CSMD1: variants seen among roughly 807,000 people sequenced by gnomAD.
The protein encoded by CSMD1 is CUB and sushi domain-containing protein 1.
A neutral mutation model predicts 417.5 loss-of-function variants in CSMD1; 213 were observed. That is an observed-to-expected ratio of 0.51 (90% CI 0.46 to 0.57). CSMD1 has a LOEUF of 0.57. Among genes scored for constraint, CSMD1 ranks in the 20% least tolerant of loss-of-function variants. The pLI, the probability that CSMD1 is intolerant of heterozygous loss-of-function variation, is 0.00. For missense variants in CSMD1, 6,923 were observed against 4,529.7 expected (o/e 1.53, Z -15.17); for synonymous variants, 2,862 against 1,736.8 (o/e 1.65, Z -16.11).
chr8:4,979,642 T>C (rs1810765506), intron 1 of CSMD1, among the ~76,000 whole-genome samples: 2 of 152,242 alleles, frequency 1.3e-5, no homozygotes, highest in African/African-American at 4.8e-5. Flanking sequence ...ATTGGAGCAG[T>C]CCTCACAAAA....
chr8:4,575,595 T>G (rs1266842379), intron 2 of CSMD1, among the ~76,000 whole-genome samples: 2 of 152,162 alleles, frequency 1.3e-5, no homozygotes, highest in African/African-American at 4.8e-5. Flanking sequence ...GTGAATTCAT[T>G]ATGATATGGT....
chr8:4,991,660 C>G (rs1000447093), intron 1 of CSMD1, among the ~76,000 whole-genome samples: 1 of 152,138 alleles, frequency 6.6e-6, no homozygotes, highest in Non-Finnish European at 1.5e-5. Flanking sequence ...CTGGAGCGCG[C>G]TGCCGAGCCC....
chr8:3,237,033 C>A (rs571613838), intron 26 of CSMD1, among the ~76,000 whole-genome samples: 6 of 152,014 alleles, frequency 3.9e-5, no homozygotes, highest in Non-Finnish European at 7.4e-5. Flanking sequence ...AAAGAACCTG[C>A]GCTGCCCTTC....
chr8:4,059,639 C>T (rs558052319), intron 3 of CSMD1, among the ~76,000 whole-genome samples: 33 of 152,250 alleles, frequency 2.2e-4, no homozygotes, highest in African/African-American at 7.9e-4. Flanking sequence ...GAAATACAAA[C>T]TGCCATCAGA....
chr8:3,965,745 G>C (rs897769279), intron 5 of CSMD1, among the ~76,000 whole-genome samples: 1 of 152,030 alleles, frequency 6.6e-6, no homozygotes, highest in Non-Finnish European at 1.5e-5. Flanking sequence ...AGCCTCCCGA[G>C]TAGCTGGGAC....
At chr8:3,354,889 G>GATATA (rs1563303932) in intron 21 of CSMD1, among the ~76,000 whole-genome samples, 5 of 140,928 alleles carry the variant, frequency 3.5e-5, no homozygotes, top group Non-Finnish European at 7.6e-5. Context: ...CTATAGATAT[G>GATATA]TCTATCTATA....
chr8:3,114,008 A>G (rs763610532), intron 42 of CSMD1, among the ~76,000 whole-genome samples: 20 of 152,256 alleles, frequency 1.3e-4, no homozygotes, highest in Admixed American at 2.0e-4. Flanking sequence ...ATTTGACCCC[A>G]GGAGTTCGAG....
intron 1 of CSMD1, among the ~76,000 whole-genome samples, chr8:4,710,316 G>T (rs946403435): frequency 1.3e-5 from 2 of 149,424 alleles, no homozygotes; most frequent in Non-Finnish European, 3.0e-5. Flanking sequence ...ACATTTAAAC[G>T]CATATAAACA....
chr8:4,282,153 C>G (rs115822228), intron 3 of CSMD1, among the ~76,000 whole-genome samples: 1 of 152,140 alleles, frequency 6.6e-6, no homozygotes, highest in African/African-American at 2.4e-5. Flanking sequence ...TGCTCAAATA[C>G]GATTTCAAAA....
chr8:3,573,730 AAATG>A (rs1288345212), intron 10 of CSMD1, among the ~76,000 whole-genome samples: 1 of 152,186 alleles, frequency 6.6e-6, no homozygotes, highest in Non-Finnish European at 1.5e-5. Flanking sequence ...CAAAATGTAA[AAATG>A]AAGAGATGAT....
chr8:3,716,178 G>T (rs565392741), intron 6 of CSMD1, among the ~76,000 whole-genome samples: 1 of 152,256 alleles, frequency 6.6e-6, no homozygotes, highest in South Asian at 2.1e-4. Context: ...CACAGGGATG[G>T]GTGTTGCCTA....
chr8:4,384,793 C>A (rs1430703388), intron 3 of CSMD1, among the ~76,000 whole-genome samples: 1 of 152,208 alleles, frequency 6.6e-6, no homozygotes, highest in African/African-American at 2.4e-5. Flanking sequence ...CTTCACTAAT[C>A]AGTCCTACAG....
At chr8:4,027,219 A>C (rs1312485249) in intron 4 of CSMD1, among the ~76,000 whole-genome samples, 3 of 152,194 alleles carry the variant, frequency 2.0e-5, no homozygotes, top group African/African-American at 7.2e-5. Context: ...TTTGTACTTT[A>C]TTCTCATTGA....
At chr8:3,706,432 T>G (rs1374566618) in intron 7 of CSMD1, among the ~76,000 whole-genome samples, 1 of 152,192 alleles carries the variant, frequency 6.6e-6, no homozygotes, top group Non-Finnish European at 1.5e-5. Context: ...ACCTTCCTCA[T>G]CTTAGAAGGC....
chr8:3,593,102 G>T (rs1288207398), intron 8 of CSMD1, among the ~76,000 whole-genome samples: 1 of 152,208 alleles, frequency 6.6e-6, no homozygotes, highest in Non-Finnish European at 1.5e-5. Flanking sequence ...GCTTAAAGCG[G>T]TCTGGCTACC....
intron 1 of CSMD1, among the ~76,000 whole-genome samples, chr8:4,921,074 GA>G (rs1426981768): frequency 7.1e-6 from 1 of 141,688 alleles, no homozygotes; most frequent in African/African-American, 2.6e-5. Context: ...GAAAGAGAAA[GA>G]AAAAGAAAGA....
chr8:3,377,852 G>A (rs1054973353), intron 18 of CSMD1, among the ~76,000 whole-genome samples: 1 of 152,144 alleles, frequency 6.6e-6, no homozygotes, highest in Non-Finnish European at 1.5e-5. Context: ...TATGTAAAAT[G>A]TATTAGTCTA....
At chr8:4,013,545 G>C (rs1369714732) in intron 4 of CSMD1, among the ~76,000 whole-genome samples, 1 of 152,160 alleles carries the variant, frequency 6.6e-6, no homozygotes, top group Non-Finnish European at 1.5e-5. Context: ...TTAATTACAT[G>C]TCAGCTTCTC....
chr8:3,323,212 C>T (rs1248610166), intron 23 of CSMD1, among the ~76,000 whole-genome samples: 2 of 152,210 alleles, frequency 1.3e-5, no homozygotes, highest in Admixed American at 6.5e-5. Flanking sequence ...GTTCACATCA[C>T]AGCAAGATTA....
Sources: gnomAD v4.1 joint callset for allele counts (sites outside exome capture counted in the v4.1 genomes callset) on GRCh38, gnomAD v4.1.1 for gene constraint, MANE v1.5 for transcripts, NCBI Gene and HGNC (gene_info 2026-07-23, HGNC 2026-07-21) for gene names.